Variants in PLCB4 observed in about 807,000 individuals in gnomAD.
The protein encoded by PLCB4 is 1-phosphatidylinositol 4,5-bisphosphate phosphodiesterase beta-4.
PLCB4 carries 77 observed loss-of-function variants against 178.8 expected under a neutral mutation model. The ratio of observed to expected loss-of-function variants is 0.43; its 90% CI spans 0.36 to 0.52. The LOEUF is 0.52. PLCB4 is among the 20% of genes least tolerant of loss of function. PLCB4 has a pLI of 0.00. For missense variants in PLCB4, 1,024 were observed against 1,453.4 expected (o/e 0.70, Z 4.80); for synonymous variants, 496 against 490.8 (o/e 1.01, Z -0.14).
At chr20:9,385,705 C>T in intron 14 of PLCB4, among the ~76,000 whole-genome samples, 1 of 149,282 alleles carries the variant, frequency 6.7e-6, no homozygotes, top group African/African-American at 2.5e-5. Flanking sequence ...GACGGGGCAG[C>T]CGGGCAGAGG....
intron 4 of PLCB4, among the ~76,000 whole-genome samples, chr20:9,336,692 A>G (rs1294201634): frequency 2.0e-5 from 3 of 152,102 alleles, no homozygotes; most frequent in Non-Finnish European, 4.4e-5. Context: ...ATAAAAAAGC[A>G]AAAATCTCAG....
In PLCB4 at chr20:9,101,918, C is replaced by A. The variant is rs536053724; in HGVS notation, c.-79+5576C>A. 1.7e-4 allele frequency among the ~76,000 whole-genome samples: 25 copies of A among 150,998 alleles called. 1 individual carries two copies. The highest frequency in any genetic ancestry group is 4.6e-4 in the African/African-American group (19 of 41,034). ...GGAGTGAAGTGGCATGATCTCGGCT[C>A]ACTGCAACCTCTGCTCCCTAGGTTC... On this transcript the variant is annotated intron_variant, in intron 2 of 39. Transcript: ENST00000378473.
intron 25 of PLCB4, among the ~76,000 whole-genome samples, 178 bp downstream of exon 25, chr20:9,411,266 A>G (rs1799996959): frequency 6.6e-6 from 1 of 152,202 alleles, no homozygotes; most frequent in South Asian, 2.1e-4. Flanking sequence ...CATCTACCCC[A>G]TTTTACTAAG....
At chr20:9,187,524 G>C (rs57588930) in intron 2 of PLCB4, among the ~76,000 whole-genome samples, 4,060 of 152,222 alleles carry the variant, frequency 0.027, 80 homozygotes, top group African/African-American at 0.035. Context: ...TGAGGGTGAG[G>C]ATTACGTTAT....
intron 27 of PLCB4, 96 bp downstream of exon 27, chr20:9,421,557 G>C: frequency 1.1e-6 from 1 of 904,102 alleles, no homozygotes. Context: ...TTATTCAACC[G>C]ACAACATCTT....
chr20:9,214,207 A>G (rs1457066441), intron 2 of PLCB4, among the ~76,000 whole-genome samples: 2 of 152,230 alleles, frequency 1.3e-5, no homozygotes, highest in African/African-American at 4.8e-5. Flanking sequence ...GTGCCACCCA[A>G]GATCACAAAG....
intron 4 of PLCB4, among the ~76,000 whole-genome samples, chr20:9,321,291 C>G (rs894902565): frequency 6.6e-6 from 1 of 152,052 alleles, no homozygotes; most frequent in African/African-American, 2.4e-5. Context: ...AGCTAGCGTC[C>G]AGAACTAATG....
At position 9,433,678 on chromosome 20, in the gene PLCB4, T is replaced by C. The variant is rs192663281; in HGVS notation, c.2525-1882T>C. On this transcript the variant is annotated intron_variant, in intron 28 of 39. Coordinates refer to ENST00000378473, the MANE Select transcript of PLCB4 (RefSeq NM_001377142.1). ...GGTTATTGTACTGTTCTCTCCACTT[T>C]TGTGTATACTTGAAATGTTTTGTAA... is the stretch of plus-strand genomic sequence containing the variant. 3.0e-3 allele frequency among the ~76,000 whole-genome samples: 457 copies of C among 152,378 alleles called. 1 individual carries two copies. The Middle Eastern group carries it at 0.031, about 10-fold the overall frequency.
chr20:9,355,272 T>A (rs1354232702), intron 7 of PLCB4, among the ~76,000 whole-genome samples: 1 of 151,886 alleles, frequency 6.6e-6, no homozygotes, highest in Non-Finnish European at 1.5e-5. Context: ...CTTTTTAAAA[T>A]TTTTTTATTT....
chr20:9,157,198 C>A (rs2092806788), intron 2 of PLCB4, among the ~76,000 whole-genome samples: 1 of 147,506 alleles, frequency 6.8e-6, no homozygotes, highest in Non-Finnish European at 1.5e-5. Context: ...CCCTGGAAGC[C>A]AAGGACAGAG....
At chr20:9,190,612 A>G (rs536044412) in intron 2 of PLCB4, among the ~76,000 whole-genome samples, 2 of 152,318 alleles carry the variant, frequency 1.3e-5, no homozygotes, top group East Asian at 1.9e-4. Flanking sequence ...GATATTTGGA[A>G]TGATTAACCA....
chr20:9,242,694 C>T (rs2094078462), intron 3 of PLCB4, among the ~76,000 whole-genome samples: 1 of 152,162 alleles, frequency 6.6e-6, no homozygotes, highest in Admixed American at 6.6e-5. Context: ...CTTTCTTGTG[C>T]TTTACCCTAA....
intron 7 of PLCB4, among the ~76,000 whole-genome samples, chr20:9,339,787 C>T (rs899834836): frequency 7.9e-5 from 12 of 152,224 alleles, no homozygotes; most frequent in African/African-American, 2.9e-4. Flanking sequence ...CCCCCCCTCC[C>T]AATAAGTTAT....
intron 2 of PLCB4, among the ~76,000 whole-genome samples, chr20:9,101,261 C>G (rs1380274966): frequency 6.6e-6 from 1 of 152,058 alleles, no homozygotes; most frequent in East Asian, 1.9e-4. Flanking sequence ...TGGGACAAGG[C>G]GTCGAAACCC....
chr20:9,416,472 T>C (rs2040254798), intron 25 of PLCB4, among the ~76,000 whole-genome samples: 2 of 152,208 alleles, frequency 1.3e-5, no homozygotes, highest in Admixed American at 6.5e-5. Context: ...GCCTGTGTCA[T>C]GAAAGCCAGA....
intron 2 of PLCB4, among the ~76,000 whole-genome samples, chr20:9,138,617 T>C (rs2092429649): frequency 6.6e-6 from 1 of 152,120 alleles, no homozygotes; most frequent in Non-Finnish European, 1.5e-5. Flanking sequence ...TATGAAAATA[T>C]GATGGGTTGC....
chr20:9,268,953 C>T (rs1420420245), intron 3 of PLCB4, among the ~76,000 whole-genome samples: 1 of 152,172 alleles, frequency 6.6e-6, no homozygotes, highest in Admixed American at 6.6e-5. Flanking sequence ...ACCTACCTTG[C>T]CCAAAAGGCA....
chr20:9,263,923 T>A (rs1160432010), intron 3 of PLCB4, among the ~76,000 whole-genome samples: 2 of 152,222 alleles, frequency 1.3e-5, no homozygotes, highest in African/African-American at 4.8e-5. Context: ...AGTTCATTTT[T>A]AATTAGTTAT....
At chr20:9,153,054 G>T (rs1179343470) in intron 2 of PLCB4, among the ~76,000 whole-genome samples, 1 of 152,118 alleles carries the variant, frequency 6.6e-6, no homozygotes, top group Non-Finnish European at 1.5e-5. Context: ...CTCCTATTTG[G>T]AACAGCTGTA....
Sources: allele counts gnomAD v4.1 joint callset (sites outside exome capture counted in the v4.1 genomes callset), GRCh38; gene constraint gnomAD v4.1.1; transcripts MANE v1.5; gene names NCBI Gene and HGNC (gene_info 2026-07-23, HGNC 2026-07-21).